The following HNRNPK variants were observed in gnomAD, a reference collection of about 807,000 sequenced individuals.
The protein encoded by HNRNPK is heterogeneous nuclear ribonucleoprotein K.
A neutral mutation model predicts 67.0 loss-of-function variants in HNRNPK; 7 were observed. The ratio of observed to expected loss-of-function variants is 0.10; its 90% CI spans 0.06 to 0.20. HNRNPK has a LOEUF of 0.20. Ranked by LOEUF, HNRNPK falls within the 10% of genes least tolerant of loss-of-function variation. HNRNPK has a pLI of 1.00. For synonymous variants in HNRNPK, 213 were observed against 193.7 expected, an observed-to-expected ratio of 1.10 and a Z score of -0.83; for missense variants, 264 against 606.5, an observed-to-expected ratio of 0.44 and a Z score of 5.93.
intron 6 of HNRNPK, 61 bp downstream of exon 6, chr9:83,975,401 G>A: frequency 1.4e-6 from 2 of 1,412,640 alleles, no homozygotes; most frequent in Non-Finnish European, 2.0e-6. Flanking sequence ...TAAAAGGCAG[G>A]TAATAAAATA....
chr9:83,969,534 T>A, intron 16 of HNRNPK, 94 bp from the exon 17 acceptor site: 1 of 793,090 alleles, frequency 1.3e-6, no homozygotes, highest in East Asian at 2.4e-5. Context: ...ATTAAAATGA[T>A]AAACACGTCC....
At chr9:83,974,356 A>C (rs948291642) in intron 7 of HNRNPK, among the ~76,000 whole-genome samples, 161 bp downstream of exon 7, 2 of 151,814 alleles carry the variant, frequency 1.3e-5, no homozygotes, top group Admixed American at 6.6e-5. Context: ...TAAAAAAAAA[A>C]AAACAAATTA....
Position 83,972,208 on chromosome 9 carries a change from C to G in HNRNPK, c.646-19G>C. ...TGGGAGACTAAAAACAGAGATGGAA[C>G]AAACTTACAGACTGAAGAAAAAGAG... On this transcript the variant is annotated intron_variant, in intron 10 of 16. Transcript: ENST00000376263. The G allele has an allele frequency of 6.4e-7, 1 of 1,557,380 alleles. No individual in the cohort carries two copies. The highest frequency in any genetic ancestry group is 1.7e-4 in the Middle Eastern group (1 of 5,778).
intron 5 of HNRNPK, 123 bp downstream of exon 5, chr9:83,976,872 T>G (rs1957089698): frequency 1.7e-6 from 1 of 599,172 alleles, no homozygotes; most frequent in Non-Finnish European, 2.9e-6. Context: ...TCTGTAATAA[T>G]AAATTATTAC....
At chr9:83,978,915 T>G (rs901523578) in intron 1 of HNRNPK, among the ~76,000 whole-genome samples, 2 of 152,154 alleles carry the variant, frequency 1.3e-5, no homozygotes, top group African/African-American at 4.8e-5. Context: ...TGCGAACACA[T>G]CCAACAACCA....
chr9:83,971,651 G>GT, intron 12 of HNRNPK, 21 bp downstream of exon 12: 4 of 1,598,644 alleles, frequency 2.5e-6, no homozygotes, highest in Non-Finnish European at 3.4e-6. Context: ...CAACACACTG[G>GT]TAATAAACCA....
In HNRNPK at chr9:83,970,607, A is replaced by G. The variant is rs78280596; in HGVS notation, c.1191+130T>C. ...CAAACAGCTGAAAACCCAGCTCACT[A>G]AAGCCCATTAACATAACCTCAATCC... On this transcript the variant is annotated intron_variant, in intron 15 of 16. Transcript: ENST00000376263. 2.1e-3 allele frequency: 1,520 copies of G among 709,622 alleles called. 23 individuals are homozygous for G. The African/African-American group carries it at 0.025, about 12-fold the overall frequency. 44.0% of individuals were successfully genotyped at this position (709,622 alleles called of 1,614,324 possible).
intron 8 of HNRNPK, 106 bp downstream of exon 8, chr9:83,973,795 TA>T (rs1453342929): frequency 1.3e-6 from 1 of 794,356 alleles, no homozygotes; most frequent in Non-Finnish European, 2.1e-6. Context: ...ATCATGTTTT[TA>T]AGCCTTTTTC....
intron 6 of HNRNPK, among the ~76,000 whole-genome samples, chr9:83,975,092 G>A (rs1957017278): frequency 6.6e-6 from 1 of 152,172 alleles, no homozygotes; most frequent in Admixed American, 6.5e-5. Context: ...ACACAAATGA[G>A]AAGTGAAGGA....
chr9:83,970,660 T>TGAA, intron 15 of HNRNPK, 77 bp downstream of exon 15: 1 of 1,025,816 alleles, frequency 9.7e-7, no homozygotes, highest in Non-Finnish European at 1.5e-6. Flanking sequence ...TAAAACCTTC[T>TGAA]GAATTAAAAA....
rs765287712 is a variant in HNRNPK, at chr9:83,970,350, AG to A, written c.1192-20del. The A allele has an allele frequency of 2.8e-4, 450 of 1,599,386 alleles. 2 individuals carry two copies. The highest frequency in any genetic ancestry group is 6.3e-4 in the South Asian group (57 of 90,244). On this transcript the variant is annotated intron_variant, in intron 15 of 16. Transcript: ENST00000376263. ...CAGCCAACTGAAAAGATTTTTTAAAAGTATGTGTTTACGATATACTTTTAAC... is the reference window on the plus strand; with the variant it reads ...CAGCCAACTGAAAAGATTTTTTAAAATATGTGTTTACGATATACTTTTAAC...
chr9:83,977,386 T>C (rs907457608), intron 4 of HNRNPK, among the ~76,000 whole-genome samples: 2 of 152,182 alleles, frequency 1.3e-5, no homozygotes, highest in African/African-American at 4.8e-5. Context: ...GATCAAACAA[T>C]AAACTGCCAA....
intron 15 of HNRNPK, 167 bp from the exon 16 acceptor site, chr9:83,970,498 C>G (rs1319618785): frequency 4.6e-6 from 3 of 657,018 alleles, no homozygotes; most frequent in Non-Finnish European, 7.8e-6. Flanking sequence ...TTATGTCACA[C>G]TTACTAATGT....
chr9:83,980,357 CCGCCTCCCGCCAG>C (rs1435577837), upstream of HNRNPK: 1 of 152,372 alleles, frequency 6.6e-6, no homozygotes, highest in Non-Finnish European at 1.5e-5. Context: ...GGCGACAACC[CCGCCTCCCGCCAG>C]CGCCTCCCTT....
At chr9:83,979,735 C>G (rs947460507) in intron 1 of HNRNPK, among the ~76,000 whole-genome samples, 3 of 152,102 alleles carry the variant, frequency 2.0e-5, no homozygotes, top group South Asian at 2.1e-4. Context: ...ATCCTCCCCC[C>G]ACTGCCCGAG....
intron 13 of HNRNPK, 134 bp downstream of exon 13, chr9:83,971,139 C>A: frequency 1.2e-6 from 1 of 803,272 alleles, no homozygotes; most frequent in Admixed American, 2.0e-5. Flanking sequence ...TCATAAAATC[C>A]CTCTTCAGGA....
At chr9:83,974,476 C>T in intron 7 of HNRNPK, 41 bp downstream of exon 7, 1 of 955,528 alleles carries the variant, frequency 1.0e-6, no homozygotes, top group Admixed American at 1.9e-5. Flanking sequence ...AAACATTCCC[C>T]CCTCATATTG....
Position 83,980,188 on chromosome 9 carries a change from C to G in HNRNPK, c.-143G>C, listed in dbSNP as rs2133084401. 1 of 152,552 alleles carries G rather than the reference C, an allele frequency of 6.6e-6. No homozygotes were observed. The highest frequency in any genetic ancestry group is 2.4e-5 in the African/African-American group (1 of 41,596). The allele number at this position is 152,552 out of a possible 1,614,324, so 9.4% of individuals were successfully genotyped here. On this transcript the variant is annotated 5_prime_UTR_variant, in exon 1 of 17. Transcript: ENST00000376263. Reference sequence around the variant, plus strand: ...TGCCGTCCCTCCGCTGCCGCGCCGCCTCAGCCGGTCGGAGCTAGACAGAAA... The same window carrying G: ...TGCCGTCCCTCCGCTGCCGCGCCGCGTCAGCCGGTCGGAGCTAGACAGAAA...
intron 6 of HNRNPK, 99 bp from the exon 7 acceptor site, chr9:83,974,688 AAC>A: frequency 1.4e-6 from 1 of 740,240 alleles, no homozygotes; most frequent in Non-Finnish European, 2.3e-6. Flanking sequence ...ACAGAGATGT[AAC>A]ACATGATTAT....
Sources: gnomAD v4.1 joint callset for allele counts (sites outside exome capture counted in the v4.1 genomes callset) on GRCh38, gnomAD v4.1.1 for gene constraint, MANE v1.5 for transcripts, NCBI Gene and HGNC (gene_info 2026-07-23, HGNC 2026-07-21) for gene names.